Variants in FXR1 observed in about 807,000 individuals in gnomAD.
The protein encoded by FXR1 is RNA-binding protein FXR1.
Under a neutral mutation model 84.0 loss-of-function variants are expected in FXR1, and 15 were observed. The ratio of observed to expected loss-of-function variants is 0.18; its 90% CI spans 0.12 to 0.27. The LOEUF is 0.27. FXR1 is among the 10% of genes least tolerant of loss of function. The pLI, the probability that FXR1 is intolerant of heterozygous loss-of-function variation, is 1.00. For missense variants in FXR1, 480 were observed against 774.4 expected, an observed-to-expected ratio of 0.62 and a Z score of 4.51; for synonymous variants, 245 against 250.7, an observed-to-expected ratio of 0.98 and a Z score of 0.21.
At chr3:180,949,441 C>G in intron 7 of FXR1, 98 bp downstream of exon 7, 1 of 745,682 alleles carries the variant, frequency 1.3e-6, no homozygotes, top group Admixed American at 1.8e-5. Flanking sequence ...GGCTAGAGTG[C>G]AGTGGCACAA....
chr3:180,960,229 A>G lies in FXR1; in HGVS notation c.991-1239A>G, dbSNP rs182676533. On this transcript the variant is annotated intron_variant, in intron 10 of 16. Transcript: ENST00000357559. ...TACTTTGATTTACTTGAATACCTCT[A>G]CGTATCTTAATAATTCCTTTAATTT... Among the ~76,000 whole-genome samples the G allele has an allele frequency of 1.6e-3, 239 of 152,278 alleles. 2 individuals carry two copies. Among genetic ancestry groups the G allele is most frequent in the African/African-American group, 5.6e-3 (232 of 41,570 alleles).
intron 9 of FXR1, 112 bp downstream of exon 9, chr3:180,953,952 A>C (rs996266021): frequency 3.3e-6 from 2 of 606,934 alleles, no homozygotes; most frequent in African/African-American, 3.8e-5. Flanking sequence ...AGTTATGTGT[A>C]GATTTATTTA....
chr3:180,963,092 T>TA lies in FXR1; in HGVS notation c.1198+11dup, dbSNP rs371989214. 232 of 1,353,082 alleles carry TA rather than the reference T, an allele frequency of 1.7e-4. 1 individual carries two copies. Among genetic ancestry groups the TA allele is most frequent in the East Asian group, 1.1e-3 (47 of 43,246 alleles). 83.8% of individuals were successfully genotyped at this position (1,353,082 alleles called of 1,614,324 possible). On this transcript the variant is annotated splice_region_variant and intron_variant, in intron 13 of 16. Transcript: ENST00000357559. The stretch of plus-strand genomic sequence containing the variant: ...GACCTAATTACACCTCCGGTTATGG[T>TA]AAAAAAAAATTTTTTTTTTTTTTTT...
intron 1 of FXR1, among the ~76,000 whole-genome samples, chr3:180,913,456 A>T (rs1224537240): frequency 6.6e-6 from 1 of 152,162 alleles, no homozygotes; most frequent in African/African-American, 2.4e-5. Flanking sequence ...TCAGGGAGAT[A>T]GGTGGAGAGG....
intron 3 of FXR1, among the ~76,000 whole-genome samples, chr3:180,947,084 C>T (rs1056365878): frequency 1.3e-5 from 2 of 151,968 alleles, no homozygotes; most frequent in Non-Finnish European, 2.9e-5. Context: ...TGGAGTTTTG[C>T]TCTAGGTGCC....
At position 180,949,430 on chromosome 3, in the gene FXR1, A is replaced by T. The variant is rs1351806184; in HGVS notation, c.630+87A>T. The T allele has an allele frequency of 9.1e-6, 7 of 772,902 alleles. No individual in the cohort carries two copies. In the East Asian group the frequency reaches 1.7e-4, roughly 19 times the overall value. The allele number at this position is 772,902 out of a possible 1,614,324, so 47.9% of individuals were successfully genotyped here. The stretch of plus-strand genomic sequence containing the variant: ...GAGACAGATTCTGGCTCTGTTGCCC[A>T]GGCTAGAGTGCAGTGGCACAATCTT... On this transcript the variant is annotated intron_variant, in intron 7 of 16. Coordinates refer to ENST00000357559, the MANE Select transcript of FXR1 (RefSeq NM_005087.4).
At chr3:180,961,228 T>A (rs1712055411) in intron 10 of FXR1, among the ~76,000 whole-genome samples, 1 of 151,400 alleles carries the variant, frequency 6.6e-6, no homozygotes, top group African/African-American at 2.4e-5. Context: ...TAGTCCCAGC[T>A]ACTCTGGAGG....
chr3:180,975,762 T>G (rs1238974530), intron 16 of FXR1, among the ~76,000 whole-genome samples: 1 of 152,234 alleles, frequency 6.6e-6, no homozygotes, highest in Non-Finnish European at 1.5e-5. Context: ...ATTTGATATG[T>G]AAATGTGATT....
intron 1 of FXR1, chr3:180,933,016 A>G (rs562998938): frequency 8.3e-6 from 2 of 241,678 alleles, no homozygotes; most frequent in Non-Finnish European, 1.6e-5. Flanking sequence ...TTGTCACAGT[A>G]GTAAATACTG....
At chr3:180,929,869 G>A (rs774243971) in intron 1 of FXR1, among the ~76,000 whole-genome samples, 5 of 152,226 alleles carry the variant, frequency 3.3e-5, no homozygotes, top group Non-Finnish European at 1.5e-5. Flanking sequence ...TTATGGAGTA[G>A]GATGTTAGAA....
chr3:180,954,454 A>T (rs1031602131), intron 9 of FXR1, among the ~76,000 whole-genome samples: 1 of 152,192 alleles, frequency 6.6e-6, no homozygotes, highest in Admixed American at 6.5e-5. Context: ...AAGAATTTGC[A>T]TTTGAAGCTA....
At chr3:180,935,664 T>C (rs1441646433) in intron 3 of FXR1, among the ~76,000 whole-genome samples, 1 of 152,236 alleles carries the variant, frequency 6.6e-6, no homozygotes, top group African/African-American at 2.4e-5. Flanking sequence ...CGTGAAATAT[T>C]GTAACTAGCT....
intron 10 of FXR1, among the ~76,000 whole-genome samples, chr3:180,960,858 A>G (rs759006646): frequency 3.9e-5 from 6 of 152,200 alleles, no homozygotes; most frequent in Non-Finnish European, 7.3e-5. Context: ...ATTTTTTAAA[A>G]TTATTTTTAA....
chr3:180,945,136 T>G (rs1311475626), intron 3 of FXR1, among the ~76,000 whole-genome samples: 1 of 151,942 alleles, frequency 6.6e-6, no homozygotes, highest in Non-Finnish European at 1.5e-5. Context: ...ATTCTGGTTA[T>G]TCTTACAGTT....
intron 8 of FXR1, among the ~76,000 whole-genome samples, chr3:180,952,828 C>CTTTTT (rs371547296): frequency 1.6e-5 from 2 of 121,502 alleles, no homozygotes; most frequent in African/African-American, 3.0e-5. Flanking sequence ...ATTTTATTTG[C>CTTTTT]TTTTTTTTTT....
rs527332271 is a variant in FXR1 at position 180,982,259 on chromosome 3, C to A, written c.*5967C>A. 11 of 152,206 alleles carry A rather than the reference C, an allele frequency of 7.2e-5. No individual in the cohort carries two copies. Among genetic ancestry groups the A allele is most frequent in the African/African-American group, 2.6e-4 (11 of 41,564 alleles). 9.4% of individuals were successfully genotyped at this position (152,206 alleles called of 1,614,324 possible). On this transcript the variant is annotated 3_prime_UTR_variant, in exon 17 of 17. Coordinates refer to ENST00000357559, the MANE Select transcript of FXR1 (RefSeq NM_005087.4). ...GTACACTGTAAGTACTCAAATGTTA[C>A]AGATCCAAGTATTTTGTAAGAAAAT...
chr3:180,965,560 C>T (rs554570407), intron 13 of FXR1, among the ~76,000 whole-genome samples: 66 of 152,254 alleles, frequency 4.3e-4, no homozygotes, highest in African/African-American at 1.5e-3. Context: ...GGCTACGTTT[C>T]TTTCTGGAAA....
At chr3:180,947,339 G>A (rs1203889029) in intron 3 of FXR1, among the ~76,000 whole-genome samples, 2 of 152,200 alleles carry the variant, frequency 1.3e-5, no homozygotes, top group African/African-American at 2.4e-5. Flanking sequence ...GAGCCACTGC[G>A]TCCGGCCTGG....
rs115464894 is a variant in FXR1, at chr3:180,968,583, G to A, written c.1402+329G>A. Among the ~76,000 whole-genome samples the A allele has an allele frequency of 2.2e-3, 342 of 152,012 alleles. 1 individual carries two copies. The highest frequency in any genetic ancestry group is 8.0e-3 in the African/African-American group (330 of 41,488). ...TAGAATTTTGGGGTTATGTTTTTTTGTTTGCCAGACAGACCCAGAGATTTC... is the reference window on the plus strand; with the variant it reads ...TAGAATTTTGGGGTTATGTTTTTTTATTTGCCAGACAGACCCAGAGATTTC... On this transcript the variant is annotated intron_variant, in intron 14 of 16. Transcript: ENST00000357559.
Sources: allele counts gnomAD v4.1 joint callset (sites outside exome capture counted in the v4.1 genomes callset), GRCh38; gene constraint gnomAD v4.1.1; transcripts MANE v1.5; gene names NCBI Gene and HGNC (gene_info 2026-07-23, HGNC 2026-07-21).